The following NMNAT1 variants were observed in gnomAD, a reference collection of about 807,000 sequenced individuals.
The protein encoded by NMNAT1 is nicotinamide nucleotide adenylyltransferase 1.
In NMNAT1, 11 loss-of-function variants were observed where a neutral mutation model predicts 16.7. That is an observed-to-expected ratio of 0.66 (90% CI 0.41 to 1.09). The LOEUF is 1.09. Ranked by LOEUF, NMNAT1 falls within the 50% of genes least tolerant of loss-of-function variation. NMNAT1 has a pLI of 0.00. For synonymous variants in NMNAT1, 110 were observed against 119.8 expected, an observed-to-expected ratio of 0.92 and a Z score of 0.53; for missense variants, 280 against 332.3, an observed-to-expected ratio of 0.84 and a Z score of 1.22.
At chr1:9,954,615 T>G (rs769053410) in intron 1 of NMNAT1, among the ~76,000 whole-genome samples, 4 of 152,088 alleles carry the variant, frequency 2.6e-5, no homozygotes, top group Non-Finnish European at 5.9e-5. Flanking sequence ...ACTTTAATAT[T>G]ATAACACTAA....
intron 1 of NMNAT1, chr1:9,956,035 G>C (rs1641251268): frequency 6.6e-6 from 1 of 152,018 alleles, no homozygotes; most frequent in Non-Finnish European, 1.5e-5. Context: ...CTTGGCTGTA[G>C]GCAACTCACT....
At chr1:9,966,625 A>G (rs574213100) in intron 1 of NMNAT1, among the ~76,000 whole-genome samples, 5 of 151,848 alleles carry the variant, frequency 3.3e-5, no homozygotes, top group Non-Finnish European at 5.9e-5. Context: ...AAAAAAAAGT[A>G]TGTATATATA....
chr1:9,987,476 A>T (rs1190813896), downstream of NMNAT1, among the ~76,000 whole-genome samples: 2 of 151,768 alleles, frequency 1.3e-5, no homozygotes, highest in Non-Finnish European at 2.9e-5. Context: ...CCGTCTCACT[A>T]AAAATACAAA....
chr1:9,994,997 C>T, the NMNAT1 span, among the ~76,000 whole-genome samples: 11 of 152,142 alleles, frequency 7.2e-5, no homozygotes, highest in African/African-American at 2.7e-4. Flanking sequence ...ATCCACCCAC[C>T]TCGGTCTCCC....
intron 1 of NMNAT1, among the ~76,000 whole-genome samples, chr1:9,957,113 T>C (rs900556396): frequency 2.0e-5 from 3 of 152,112 alleles, no homozygotes; most frequent in African/African-American, 7.2e-5. Context: ...CACTGCAACC[T>C]CTGCCTCCCA....
chr1:9,942,932 GTTTC>G, upstream of NMNAT1: 1 of 354,070 alleles, frequency 2.8e-6, no homozygotes, highest in Non-Finnish European at 5.6e-6. Flanking sequence ...GCCTTTCTGA[GTTTC>G]TTCCTAGCGA....
rs1339898699 is a variant in NMNAT1 at position 9,983,168 on chromosome 1, T to C, written c.*467T>C. ...TAAAATAAGTTTTTGTTTGTTTATT[T>C]GTTTTTGAGATGGAGTCTCTACTAA... On this transcript the variant is annotated 3_prime_UTR_variant, in exon 5 of 5. Coordinates refer to ENST00000377205, the MANE Select transcript of NMNAT1 (RefSeq NM_022787.4). 1 of 152,560 alleles carries C rather than the reference T, an allele frequency of 6.6e-6. No homozygotes were observed. Among genetic ancestry groups the C allele is most frequent in the Non-Finnish European group, 1.5e-5 (1 of 68,572 alleles). The allele number at this position is 152,560 out of a possible 1,614,324, so 9.5% of individuals were successfully genotyped here.
At chr1:9,951,462 T>TTTGTTG (rs1300768059) in intron 1 of NMNAT1, among the ~76,000 whole-genome samples, 1 of 121,612 alleles carries the variant, frequency 8.2e-6, no homozygotes, top group Non-Finnish European at 1.9e-5. Flanking sequence ...TCAGTTTTTT[T>TTTGTTG]TTGTTGTTGT....
chr1:9,988,757 G>A (rs547835280), downstream of NMNAT1, among the ~76,000 whole-genome samples: 2 of 143,462 alleles, frequency 1.4e-5, no homozygotes, highest in African/African-American at 5.1e-5. Flanking sequence ...TGAGATGGTC[G>A]CAGGTTCAAG....
intron 1 of NMNAT1, among the ~76,000 whole-genome samples, chr1:9,969,720 C>T (rs1233656868): frequency 1.3e-5 from 2 of 152,066 alleles, no homozygotes; most frequent in Non-Finnish European, 2.9e-5. Context: ...CACTGCACTC[C>T]AGCCTGGGTG....
the NMNAT1 span, among the ~76,000 whole-genome samples, chr1:9,993,199 C>A: frequency 1.3e-5 from 2 of 151,992 alleles, no homozygotes; most frequent in African/African-American, 4.8e-5. Context: ...ACAGGACAGG[C>A]CAGGAGCGGT....
At chr1:9,964,047 A>C (rs572056354) in intron 1 of NMNAT1, among the ~76,000 whole-genome samples, 176 of 151,638 alleles carry the variant, frequency 1.2e-3, no homozygotes, top group African/African-American at 4.1e-3. Flanking sequence ...ACCAGCCACC[A>C]CACCTGGCTA....
chr1:9,996,170 G>A, the NMNAT1 span, among the ~76,000 whole-genome samples: 7 of 151,518 alleles, frequency 4.6e-5, no homozygotes, highest in African/African-American at 1.7e-4. Context: ...AGTTAGCCGG[G>A]CGTGTTGGCG....
chr1:9,972,374 T>G, intron 2 of NMNAT1, 186 bp downstream of exon 2: 1 of 448,138 alleles, frequency 2.2e-6, no homozygotes, highest in South Asian at 2.7e-5. Flanking sequence ...ACTGTGCCTG[T>G]AGTCCTAGCT....
the NMNAT1 span, among the ~76,000 whole-genome samples, chr1:9,996,707 C>G: frequency 6.6e-6 from 1 of 152,182 alleles, no homozygotes; most frequent in African/African-American, 2.4e-5. Flanking sequence ...GGCTGGGAAC[C>G]CAGCTGCCAG....
At chr1:9,991,895 A>AC in the NMNAT1 span, among the ~76,000 whole-genome samples, 1 of 151,330 alleles carries the variant, frequency 6.6e-6, no homozygotes, top group Admixed American at 6.6e-5. Flanking sequence ...GAAAAATAAG[A>AC]CGAAAAAAAA....
intron 1 of NMNAT1, among the ~76,000 whole-genome samples, chr1:9,944,800 A>G (rs187790353): frequency 8.9e-4 from 136 of 152,340 alleles, no homozygotes; most frequent in Non-Finnish European, 1.7e-3. Flanking sequence ...TCTCTTTATT[A>G]CCATCAGTTG....
chr1:9,994,911 C>T, the NMNAT1 span, among the ~76,000 whole-genome samples: 1 of 151,980 alleles, frequency 6.6e-6, no homozygotes, highest in Non-Finnish European at 1.5e-5. Flanking sequence ...TGCGCCTGTC[C>T]AATTTTTTGT....
intron 1 of NMNAT1, among the ~76,000 whole-genome samples, chr1:9,968,456 C>T (rs1017044135): frequency 1.3e-5 from 2 of 150,404 alleles, no homozygotes; most frequent in African/African-American, 4.9e-5. Context: ...TTATTTTCTC[C>T]TTTTTAAGAT....
Sources: allele counts gnomAD v4.1 joint callset (sites outside exome capture counted in the v4.1 genomes callset), GRCh38; gene constraint gnomAD v4.1.1; transcripts MANE v1.5; gene names NCBI Gene and HGNC (gene_info 2026-07-23, HGNC 2026-07-21).